CMA1: variants seen among roughly 807,000 people sequenced by gnomAD.
CMA1 encodes chymase.
Under a neutral mutation model 18.8 loss-of-function variants are expected in CMA1, and 24 were observed. The ratio of observed to expected loss-of-function variants is 1.28; its 90% CI spans 0.92 to 1.80. The LOEUF (loss-of-function observed/expected upper bound fraction) is 1.80. Ranked by LOEUF, CMA1 falls within the 40% of genes most tolerant of loss-of-function variation. The pLI is 0.00. For synonymous variants in CMA1, 152 were observed against 117.0 expected, an observed-to-expected ratio of 1.30 and a Z score of -1.93; for missense variants, 421 against 302.8, an observed-to-expected ratio of 1.39 and a Z score of -2.90.
At chr14:24,507,902 T>G (rs1251250469) in intron 1 of CMA1, among the ~76,000 whole-genome samples, 1 of 152,164 alleles carries the variant, frequency 6.6e-6, no homozygotes, top group Non-Finnish European at 1.5e-5. Flanking sequence ...AGGACATGTC[T>G]GTTTTCCTGG....
chr14:24,507,688 A>C (rs1566533055), intron 1 of CMA1, among the ~76,000 whole-genome samples, 182 bp from the exon 2 acceptor site: 1 of 152,048 alleles, frequency 6.6e-6, no homozygotes, highest in Non-Finnish European at 1.5e-5. Context: ...TCCCAGGTGA[A>C]ATCTCATTCT....
At chr14:24,507,599 G>C in intron 1 of CMA1, 93 bp from the exon 2 acceptor site, 2 of 1,424,404 alleles carry the variant, frequency 1.4e-6, no homozygotes, top group Non-Finnish European at 1.9e-6. Context: ...GGCTTCCCTG[G>C]AATCTCATTC....
chr14:24,505,625 A>G lies in CMA1; in HGVS notation c.635T>C (p.Val212Ala), dbSNP rs770181227. 2 of 1,613,328 alleles carry G rather than the reference A, an allele frequency of 1.2e-6. No individual in the cohort carries two copies. The highest frequency in any genetic ancestry group is 1.7e-5 in the Admixed American group (1 of 59,988). The change falls in exon 5 of 5, where the codon GTG becomes GCG. Residue 212 changes from valine to alanine, a missense_variant. Physicochemically the swap from Val to Ala is moderately conservative, Grantham distance 64 (BLOSUM62 0). Transcript: ENST00000250378. ...TCCATAGGATACGATGCCCTGGGCC[A>G]CCCCAGCACACAGAAGAGGGCCCCC... is the stretch of plus-strand genomic sequence containing the variant. ...DSGGPLLCAG[V>A]AQGIVSYGRS... is the part of the protein sequence containing the mutation.
rs373630806 is a variant in CMA1, at chr14:24,507,342, C to A, written c.209+14G>T. Reference sequence around the variant, plus strand: ...CATCTCCCATTTGGAGATAAATAGACCCTGTTGTCTCACCTTCCTGCACAA... The same window carrying A: ...CATCTCCCATTTGGAGATAAATAGAACCTGTTGTCTCACCTTCCTGCACAA... On this transcript the variant is annotated intron_variant, in intron 2 of 4. Coordinates refer to ENST00000250378, the MANE Select transcript of CMA1 (RefSeq NM_001836.5). The A allele has an allele frequency of 3.7e-6, 6 of 1,613,982 alleles. No homozygotes were observed. The African/African-American group carries it at 5.3e-5, about 14-fold the overall frequency.
At chr14:24,508,019 T>A in intron 1 of CMA1, 159 bp downstream of exon 1, 1 of 445,764 alleles carries the variant, frequency 2.2e-6, no homozygotes, top group Non-Finnish European at 3.8e-6. Flanking sequence ...TGGGTGGGGG[T>A]GGGGGTGGGG....
chr14:24,505,943 A>G, intron 4 of CMA1, 85 bp downstream of exon 4: 1 of 1,535,276 alleles, frequency 6.5e-7, no homozygotes, highest in Non-Finnish European at 8.9e-7. Flanking sequence ...TCACTGACTG[A>G]CAACCTTCTG....
At chr14:24,507,566 CA>C in intron 1 of CMA1, 60 bp from the exon 2 acceptor site, 1 of 1,558,932 alleles carries the variant, frequency 6.4e-7, no homozygotes, top group Non-Finnish European at 8.7e-7. Flanking sequence ...AATGAATGGA[CA>C]AATTGGGTTA....
chr14:24,506,906 G>A (rs1457415341), intron 2 of CMA1, among the ~76,000 whole-genome samples: 1 of 152,218 alleles, frequency 6.6e-6, no homozygotes, highest in Non-Finnish European at 1.5e-5. Context: ...ATGAGGGCCA[G>A]CCCCTGAAGC....
intron 1 of CMA1, 29 bp downstream of exon 1, chr14:24,508,149 A>G (rs1469475668): frequency 1.2e-6 from 2 of 1,607,374 alleles, no homozygotes; most frequent in Admixed American, 1.7e-5. Context: ...GATACTGCAG[A>G]TTTCAGAGGG....
In CMA1 at chr14:24,505,497, G is replaced by C. The variant is rs145606317; in HGVS notation, c.*19C>G. The C allele has an allele frequency of 3.9e-4, 631 of 1,613,946 alleles. 4 individuals carry two copies. In the African/African-American group the frequency reaches 7.8e-3, roughly 20 times the overall value. ...GGTCCAGTTCCAGCTTCCCTTTCAG[G>C]CTGGCTCAGGATCCAGGATTAATTT... is the stretch of plus-strand genomic sequence containing the variant. On this transcript the variant is annotated 3_prime_UTR_variant, in exon 5 of 5. Coordinates refer to ENST00000250378, the MANE Select transcript of CMA1 (RefSeq NM_001836.5).
In CMA1 at chr14:24,507,404, A is replaced by C. The variant is rs753433709; in HGVS notation, c.161T>G (p.Phe54Cys). ...CAGCACAAAGTTCCGTCTTATAAGGAAACCACCACAAAATTTTGAGGGACC... is the reference window on the plus strand; with the variant it reads ...CAGCACAAAGTTCCGTCTTATAAGGCAACCACCACAAAATTTTGAGGGACC... ...SNGPSKFCGG[F>C]LIRRNFVLTA... The change falls in exon 2 of 5, where the codon TTC (phenylalanine) becomes TGC (cysteine). Residue 54 changes from phenylalanine to cysteine, a missense_variant. Phe to Cys is a radical substitution (Grantham distance 205). Coordinates refer to ENST00000250378, the MANE Select transcript of CMA1 (RefSeq NM_001836.5). The C allele has an allele frequency of 5.0e-6, 8 of 1,614,062 alleles. No homozygotes were observed. In the South Asian group the frequency reaches 6.6e-5, roughly 13 times the overall value.
chr14:24,505,947 C>A, intron 4 of CMA1, 81 bp downstream of exon 4: 1 of 1,545,510 alleles, frequency 6.5e-7, no homozygotes, highest in South Asian at 1.2e-5. Flanking sequence ...TGACTGACAA[C>A]CTTCTGACCC....
chr14:24,507,429 C>G lies in CMA1; in HGVS notation c.136G>C (p.Gly46Arg), dbSNP rs5246. The change falls in exon 2 of 5, where the codon GGT becomes CGT. Residue 46 changes from glycine (G) to arginine (R), a missense_variant. Physicochemically the swap from Gly to Arg is moderately radical, Grantham distance 125. Transcript: ENST00000250378. ...MAYLEIVTSN[G>R]PSKFCGGFLI... ...AAACCACCACAAAATTTTGAGGGACCGTTGGAAGTTACAATTTCCAGGTAG... is the reference window on the plus strand; with the variant it reads ...AAACCACCACAAAATTTTGAGGGACGGTTGGAAGTTACAATTTCCAGGTAG... 6,591 of 1,614,156 alleles carry G rather than the reference C, an allele frequency of 4.1e-3. 21 individuals are homozygous for G. Among genetic ancestry groups the G allele is most frequent in the Middle Eastern group, 0.016 (98 of 6,060 alleles).
rs1350457801 is a variant in CMA1, at chr14:24,506,625, G to A, written c.210-21C>T. 2.5e-6 allele frequency: 4 copies of A among 1,612,128 alleles called. No individual in the cohort carries two copies. In the African/African-American group the frequency reaches 5.3e-5, roughly 22 times the overall value. ...TAGACCTGTTGTGAGGAAGAAGGAA[G>A]GAAAAGGAGCGACAGTGATGGCTTG... On this transcript the variant is annotated intron_variant, in intron 2 of 4. Transcript: ENST00000250378.
chr14:24,508,215 G>A lies in CMA1; in HGVS notation c.21C>T (p.Pro7=). Residue 7 remains proline, a synonymous_variant, in exon 1 of 5, where the codon CCC becomes CCT. Coordinates refer to ENST00000250378, the MANE Select transcript of CMA1 (RefSeq NM_001836.5). ...TGGAGCACAAGAGAAAGAGCAGCAGGGGGAGAGGAAGAAGCAGCATCTTCC... is the reference window on the plus strand; with the variant it reads ...TGGAGCACAAGAGAAAGAGCAGCAGAGGGAGAGGAAGAAGCAGCATCTTCC... The part of the protein sequence containing the change: MLLLPL[P]LLLFLLCSRA... 1 of 1,613,770 alleles carries A rather than the reference G, an allele frequency of 6.2e-7. No individual in the cohort carries two copies. Among genetic ancestry groups the A allele is most frequent in the Non-Finnish European group, 8.5e-7 (1 of 1,179,864 alleles).
At chr14:24,508,077 G>A (rs1345827469) in intron 1 of CMA1, 101 bp downstream of exon 1, 11 of 1,153,158 alleles carry the variant, frequency 9.5e-6, no homozygotes, top group Non-Finnish European at 1.3e-5. Flanking sequence ...CTTGAAGAGA[G>A]ATCTTGGAAC....
Position 24,505,646 on chromosome 14 carries a change from C to A in CMA1, c.614G>T (p.Gly205Val), listed in dbSNP as rs751597406. ...TKSAFKGDSGGPLLCAGVAQG... is the reference protein window; with the variant it reads ...TKSAFKGDSGVPLLCAGVAQG... ...GGCCACCCCAGCACACAGAAGAGGGCCCCCAGAGTCTCCCTGTAGGGGGAG... is the reference window on the plus strand; with the variant it reads ...GGCCACCCCAGCACACAGAAGAGGGACCCCAGAGTCTCCCTGTAGGGGGAG... The change falls in exon 5 of 5, where the codon GGC becomes GTC. Residue 205 changes from glycine (G) to valine (V), a missense_variant. Transcript: ENST00000250378. The A allele has an allele frequency of 1.4e-5, 23 of 1,610,486 alleles. No homozygotes were observed. The highest frequency in any genetic ancestry group is 1.8e-5 in the Non-Finnish European group (21 of 1,178,446).
At position 24,507,455 on chromosome 14, in the gene CMA1, G is replaced by T. The variant is rs767494660; in HGVS notation, c.110C>A (p.Ala37Asp). The change falls in exon 2 of 5, where the codon GCC (alanine) becomes GAC (aspartate). Residue 37 changes from alanine to aspartate, a missense_variant. Coordinates refer to ENST00000250378, the MANE Select transcript of CMA1 (RefSeq NM_001836.5). ...ECKPHSRPYM[A>D]YLEIVTSNGP... ...GTTGGAAGTTACAATTTCCAGGTAG[G>T]CCATGTAGGGGCGGGAATGTGGCTT... 1.2e-5 allele frequency: 19 copies of T among 1,614,062 alleles called. No homozygotes were observed. The Admixed American group carries it at 3.2e-4, about 27-fold the overall frequency.
At chr14:24,506,750 G>A (rs964630847) in intron 2 of CMA1, 146 bp from the exon 3 acceptor site, 2 of 915,618 alleles carry the variant, frequency 2.2e-6, no homozygotes, top group Admixed American at 2.4e-5. Context: ...GCCACTTGTG[G>A]CATTTGAGGG....
Sources: allele counts gnomAD v4.1 joint callset (sites outside exome capture counted in the v4.1 genomes callset), GRCh38; gene constraint gnomAD v4.1.1; transcripts MANE v1.5; gene names NCBI Gene and HGNC (gene_info 2026-07-23, HGNC 2026-07-21).